ITIH5: variants seen among roughly 807,000 people sequenced by gnomAD.
The protein encoded by ITIH5 is inter-alpha-trypsin inhibitor heavy chain 5, also known as inter-alpha-trypsin inhibitor heavy chain H5.
ITIH5 carries 65 observed loss-of-function variants against 77.5 expected under a neutral mutation model. The observed-to-expected ratio is 0.84, with a 90% CI of 0.69 to 1.03. The LOEUF is 1.03. ITIH5 is among the 50% of genes least tolerant of loss of function. The pLI is 0.00. For missense variants in ITIH5, 1,208 were observed against 1,213.1 expected (o/e 1.00, Z 0.06); for synonymous variants, 525 against 494.3 (o/e 1.06, Z -0.82).
At chr10:7,613,893 C>A (rs936747680) in intron 7 of ITIH5, among the ~76,000 whole-genome samples, 2 of 152,176 alleles carry the variant, frequency 1.3e-5, no homozygotes, top group African/African-American at 4.8e-5. Flanking sequence ...TTGGGCTGCC[C>A]AAACACCTCC....
At chr10:7,589,038 A>G (rs1056299506) in intron 7 of ITIH5, among the ~76,000 whole-genome samples, 2 of 152,204 alleles carry the variant, frequency 1.3e-5, no homozygotes, top group Admixed American at 6.5e-5. Context: ...CACCCTTTTA[A>G]CGTGCAGCAA....
At chr10:7,613,706 GA>G (rs1438409921) in intron 7 of ITIH5, among the ~76,000 whole-genome samples, 4 of 152,174 alleles carry the variant, frequency 2.6e-5, no homozygotes, top group African/African-American at 9.6e-5. Context: ...CAAATTTTAA[GA>G]GGTGAGCTCA....
intron 7 of ITIH5, among the ~76,000 whole-genome samples, chr10:7,601,561 C>T (rs1833015921): frequency 6.6e-6 from 1 of 152,196 alleles, no homozygotes; most frequent in Non-Finnish European, 1.5e-5. Flanking sequence ...ATCGACCTCC[C>T]TCCTGGTATC....
At chr10:7,577,660 T>C (rs963140474) in intron 9 of ITIH5, among the ~76,000 whole-genome samples, 6 of 152,280 alleles carry the variant, frequency 3.9e-5, no homozygotes, top group Non-Finnish European at 8.8e-5. Flanking sequence ...TTAAGTTGCA[T>C]GGTCGCTTCT....
At chr10:7,600,157 G>A (rs1588389438) in intron 7 of ITIH5, among the ~76,000 whole-genome samples, 1 of 152,118 alleles carries the variant, frequency 6.6e-6, no homozygotes, top group African/African-American at 2.4e-5. Flanking sequence ...AATTACCTGG[G>A]GAAGAAAAGC....
chr10:7,585,421 C>T (rs968645721), intron 8 of ITIH5, among the ~76,000 whole-genome samples: 2 of 152,164 alleles, frequency 1.3e-5, no homozygotes, highest in Non-Finnish European at 2.9e-5. Flanking sequence ...TCACATTTTA[C>T]CTCCGCAACC....
chr10:7,625,947 G>A (rs1325798152), intron 5 of ITIH5, among the ~76,000 whole-genome samples: 1 of 152,196 alleles, frequency 6.6e-6, no homozygotes, highest in African/African-American at 2.4e-5. Flanking sequence ...CACAGCGCCA[G>A]AAACATGTGA....
In ITIH5 at chr10:7,600,553, G is replaced by GT. The variant is rs528409872; in HGVS notation, c.940-14485dup. ...CCTTGGCCTTTGCCTTCCCTTTCCA[G>GT]TTACACGTGCACCTAGAAGAGATGA... is the stretch of plus-strand genomic sequence containing the variant. On this transcript the variant is annotated intron_variant, in intron 7 of 13. Transcript: ENST00000397146. The GT allele has an allele frequency of 5.6e-4, 258 of 456,664 alleles. 6 individuals carry two copies. The highest frequency in any genetic ancestry group is 3.9e-3 in the South Asian group (250 of 64,554). The allele number at this position is 456,664 out of a possible 1,614,324, so 28.3% of individuals were successfully genotyped here.
chr10:7,559,785 G>A lies in ITIH5; in HGVS notation c.*3298C>T. On this transcript the variant is annotated 3_prime_UTR_variant, in exon 14 of 14. Coordinates refer to ENST00000397146, the MANE Select transcript of ITIH5 (RefSeq NM_030569.7). ...GGGCCGTCTTCCTGGCTTGCAGGTG[G>A]CCATCTTCTCATCGTATCCCCAGGT... 1 of 455,126 alleles carries A rather than the reference G, an allele frequency of 2.2e-6. No individual in the cohort carries two copies. Among genetic ancestry groups the A allele is most frequent in the Non-Finnish European group, 4.4e-6 (1 of 226,504 alleles). The allele number at this position is 455,126 out of a possible 1,614,324, so 28.2% of individuals were successfully genotyped here.
intron 1 of ITIH5, among the ~76,000 whole-genome samples, chr10:7,664,865 A>C (rs916399681): frequency 6.6e-6 from 1 of 152,222 alleles, no homozygotes; most frequent in African/African-American, 2.4e-5. Flanking sequence ...TAAGTATATT[A>C]ATTGTTTCAC....
At chr10:7,575,010 T>G (rs1207085620) in intron 10 of ITIH5, among the ~76,000 whole-genome samples, 1 of 152,132 alleles carries the variant, frequency 6.6e-6, no homozygotes, top group Non-Finnish European at 1.5e-5. Flanking sequence ...AGTGATAGCA[T>G]CCTGCCACAT....
At chr10:7,640,553 G>A (rs1219343880) in intron 4 of ITIH5, among the ~76,000 whole-genome samples, 1 of 151,482 alleles carries the variant, frequency 6.6e-6, no homozygotes, top group Non-Finnish European at 1.5e-5. Context: ...GTGAGCATGA[G>A]AGATAAATAT....
intron 7 of ITIH5, among the ~76,000 whole-genome samples, chr10:7,599,111 GC>G (rs1564252996): frequency 6.6e-6 from 1 of 152,150 alleles, no homozygotes; most frequent in Non-Finnish European, 1.5e-5. Flanking sequence ...GACATAGTAG[GC>G]AAATCCATTT....
chr10:7,608,125 C>T (rs904106816), intron 7 of ITIH5, among the ~76,000 whole-genome samples: 1 of 152,214 alleles, frequency 6.6e-6, no homozygotes, highest in Admixed American at 6.5e-5. Flanking sequence ...AAGCTTGCAT[C>T]CTCCTGCTTT....
chr10:7,579,137 A>G (rs147500758), intron 9 of ITIH5, among the ~76,000 whole-genome samples: 1,733 of 152,386 alleles, frequency 0.011, 18 homozygotes, highest in South Asian at 0.032. Flanking sequence ...AGTGCTATAC[A>G]TAGTGTTTTT....
chr10:7,637,339 G>A lies in ITIH5; in HGVS notation c.541C>T (p.Leu181=). 6.2e-7 allele frequency: 1 copy of A among 1,614,176 alleles called. No homozygotes were observed. Among genetic ancestry groups the A allele is most frequent in the Non-Finnish European group, 8.5e-7 (1 of 1,180,048 alleles). ...ACGTCCACGCTCAGCCTCCCGGACA[G>A]CTGCTGGGGCCGCACGCTGATGCTG... ...EHSISVRPQQ[L]SGRLSVDVNI... The change falls in exon 5 of 14, where the codon CTG becomes TTG. Residue 181 remains leucine, a synonymous_variant. Coordinates refer to ENST00000397146, the MANE Select transcript of ITIH5 (RefSeq NM_030569.7).
rs377493552 is a variant in ITIH5, at chr10:7,579,820, C to T, written c.1353G>A (p.Ser451=). Residue 451 remains serine (S), a synonymous_variant, in exon 9 of 14, where the codon TCG becomes TCA. Transcript: ENST00000397146. The part of the protein sequence containing the change: ...DVDFRLLEKL[S]LENCGLTRRV... Reference sequence around the variant, plus strand: ...GCCGTGTGAGGCCACAGTTCTCCAGCGACAGTTTCTCCAGCAGCCTGAAGT... The same window carrying T: ...GCCGTGTGAGGCCACAGTTCTCCAGTGACAGTTTCTCCAGCAGCCTGAAGT... 6.8e-6 allele frequency: 11 copies of T among 1,613,762 alleles called. No homozygotes were observed. The highest frequency in any genetic ancestry group is 5.0e-5 in the Admixed American group (3 of 60,002).
At chr10:7,659,377 TC>T (rs1834240324) in intron 1 of ITIH5, among the ~76,000 whole-genome samples, 1 of 150,746 alleles carries the variant, frequency 6.6e-6, no homozygotes, top group African/African-American at 2.4e-5. Flanking sequence ...AGAGTCCATT[TC>T]AAAAAAAAAT....
chr10:7,595,202 G>A (rs1832870203), intron 7 of ITIH5, among the ~76,000 whole-genome samples: 2 of 152,112 alleles, frequency 1.3e-5, no homozygotes, highest in African/African-American at 4.8e-5. Context: ...CTGGGCAACG[G>A]AGCGAGACCC....
Sources: gnomAD v4.1 joint callset for allele counts (sites outside exome capture counted in the v4.1 genomes callset) on GRCh38, gnomAD v4.1.1 for gene constraint, MANE v1.5 for transcripts, NCBI Gene and HGNC (gene_info 2026-07-23, HGNC 2026-07-21) for gene names.